The following JAML variants were observed in gnomAD, a reference collection of about 807,000 sequenced individuals.
JAML encodes junction adhesion molecule like.
A neutral mutation model predicts 39.3 loss-of-function variants in JAML; 25 were observed. The ratio of observed to expected loss-of-function variants is 0.64; its 90% confidence interval spans 0.46 to 0.89. JAML has a LOEUF of 0.89. Ranked by LOEUF, JAML falls within the 40% of genes least tolerant of loss-of-function variation. JAML has a pLI of 0.00. For synonymous variants in JAML, 162 were observed against 179.2 expected, an observed-to-expected ratio of 0.90 and a Z score of 0.77; for missense variants, 440 against 486.9, an observed-to-expected ratio of 0.90 and a Z score of 0.91.
intron 2 of JAML, chr11:118,213,040 T>A: frequency 6.2e-7 from 1 of 1,602,690 alleles, no homozygotes; most frequent in South Asian, 1.1e-5. Flanking sequence ...ATTTGCTGGC[T>A]GATTCTGGCT....
Position 118,212,486 on chromosome 11 carries a change from A to T in JAML, c.119T>A (p.Met40Lys). The change falls in exon 3 of 10, where the codon ATG becomes AAG. Residue 40 changes from methionine to lysine, a missense_variant. Transcript: ENST00000356289. Reference protein sequence around the residue: ...LTVHVGDSALMGCVFQSTEDK... With the variant: ...LTVHVGDSALKGCVFQSTEDK... ...TTCTGTGCTCTGGAAAACACATCCC[A>T]TCAGAGCTGAATCACCCACATGGAC... 6.2e-7 allele frequency: 1 copy of T among 1,614,172 alleles called. No homozygotes were observed. The highest frequency in any genetic ancestry group is 8.5e-7 in the Non-Finnish European group (1 of 1,180,010).
At chr11:118,204,394 C>T (rs1046710331) in intron 5 of JAML, 1 of 152,590 alleles carries the variant, frequency 6.6e-6, no homozygotes, top group African/African-American at 2.4e-5. Context: ...TCATGGCCCC[C>T]ACTCCCATTT....
In JAML at chr11:118,194,172, G is replaced by C. The variant is rs1466218240; in HGVS notation, c.*153C>G. ...CAGAGCTGTCCAGTCTCTCTGCCAG[G>C]CTCCAAATTCTCCATCTTCAGTGTA... is the stretch of plus-strand genomic sequence containing the variant. On this transcript the variant is annotated 3_prime_UTR_variant, in exon 10 of 10. Transcript: ENST00000356289. 5.9e-6 allele frequency: 4 copies of C among 675,692 alleles called. No individual in the cohort carries two copies. The highest frequency in any genetic ancestry group is 7.9e-6 in the Non-Finnish European group (3 of 380,582). 41.9% of individuals were successfully genotyped at this position (675,692 alleles called of 1,614,324 possible).
At position 118,222,631 on chromosome 11, in the gene JAML, A is replaced by G. The variant is rs1420083463; in HGVS notation, c.-21+2310T>C. Among the ~76,000 whole-genome samples the G allele has an allele frequency of 1.3e-5, 2 of 152,208 alleles. No individual in the cohort carries two copies. The highest frequency in any genetic ancestry group is 2.9e-5 in the Non-Finnish European group (2 of 68,046). ...AATCTCTTTTAGGTCACGTGACTCT[A>G]ATGATTTTTAAACATAAAGACAGTG... On this transcript the variant is annotated intron_variant, in intron 1 of 9. Coordinates refer to ENST00000356289, the MANE Select transcript of JAML (RefSeq NM_001098526.2). This position sits in a 1 kb window ranked among gnomAD's most constrained non-coding sequence, Gnocchi z 4.2.
chr11:118,194,195 G>A lies in JAML; in HGVS notation c.*130C>T. The A allele has an allele frequency of 1.3e-6, 1 of 793,654 alleles. No individual in the cohort carries two copies. Among genetic ancestry groups the A allele is most frequent in the Non-Finnish European group, 2.1e-6 (1 of 468,146 alleles). 49.2% of individuals were successfully genotyped at this position (793,654 alleles called of 1,614,324 possible). A position where few individuals can be genotyped will look rare whatever the true frequency, so the allele number is the denominator to read the frequency against. ...AGGCTCCAAATTCTCCATCTTCAGT[G>A]TATTGACCAAACAATGAGACAGGAG... is the stretch of plus-strand genomic sequence containing the variant. On this transcript the variant is annotated 3_prime_UTR_variant, in exon 10 of 10. Coordinates refer to ENST00000356289, the MANE Select transcript of JAML (RefSeq NM_001098526.2).
chr11:118,198,020 T>C lies in JAML; in HGVS notation c.983A>G (p.His328Arg). Residue 328 changes from histidine to arginine, a missense_variant, in exon 8 of 10, where the codon CAT becomes CGT. Physicochemically the swap from His to Arg is conservative, Grantham distance 29 (BLOSUM62 0). Transcript: ENST00000356289. The part of the protein sequence containing the change: ...TNPEIKEKPC[H>R]FERCEGEKHI... ...CACCTCCCCTTCACATCTTTCAAAA[T>C]GGCAGGGTTTTTCTTTTATCTCTGG... is the stretch of plus-strand genomic sequence containing the variant. 3 of 1,614,156 alleles carry C rather than the reference T, an allele frequency of 1.9e-6. No individual in the cohort carries two copies. The highest frequency in any genetic ancestry group is 2.2e-5 in the East Asian group (1 of 44,888).
chr11:118,199,832 G>C (rs1478919058), intron 7 of JAML, among the ~76,000 whole-genome samples: 2 of 151,668 alleles, frequency 1.3e-5, no homozygotes, highest in Non-Finnish European at 2.9e-5. Flanking sequence ...AAGTAGCTGG[G>C]AGTACAAGCA....
intron 4 of JAML, 54 bp from the exon 5 acceptor site, chr11:118,206,045 A>G: frequency 6.7e-7 from 1 of 1,483,572 alleles, no homozygotes; most frequent in Non-Finnish European, 9.4e-7. Flanking sequence ...TATAGAAGTC[A>G]AAGAATTTCT....
Position 118,205,948 on chromosome 11 carries a change from A to G in JAML, c.468T>C (p.Val156=). The change falls in exon 5 of 10, where the codon GTT becomes GTC. Residue 156 remains valine (V), a synonymous_variant. Transcript: ENST00000356289. Reference sequence around the variant, plus strand: ...CGTGTTTCACTTCTGTGCTCTGGAAAACACATCCCATCTGAATCAATCCAC... The same window carrying G: ...CGTGTTTCACTTCTGTGCTCTGGAAGACACATCCCATCTGAATCAATCCAC... The part of the protein sequence containing the change: ...HVGGLIQMGC[V]FQSTEVKHVT... 1 of 1,614,156 alleles carries G rather than the reference A, an allele frequency of 6.2e-7. No homozygotes were observed. The highest frequency in any genetic ancestry group is 2.2e-5 in the East Asian group (1 of 44,884).
At chr11:118,199,695 T>A (rs1409947928) in intron 7 of JAML, among the ~76,000 whole-genome samples, 91 of 34,892 alleles carry the variant, frequency 2.6e-3, no homozygotes, top group African/African-American at 5.4e-3. Context: ...TTATTATTAT[T>A]TTTTTTTTTT....
intron 7 of JAML, among the ~76,000 whole-genome samples, chr11:118,200,133 T>C (rs141064997): frequency 2.0e-5 from 3 of 152,294 alleles, no homozygotes; most frequent in East Asian, 1.9e-4. Flanking sequence ...GAACGTACAG[T>C]ATGGATAATT....
rs184388797 is a variant in JAML at position 118,200,713 on chromosome 11, G to A, written c.773-101C>T. ...AGTAGCACCAGCCAGGCCACGAAGC[G>A]GAGGGGAAGGCCAGACTCCACCCCA... On this transcript the variant is annotated intron_variant, in intron 6 of 9. Coordinates refer to ENST00000356289, the MANE Select transcript of JAML (RefSeq NM_001098526.2). 8.0e-5 allele frequency: 111 copies of A among 1,390,088 alleles called. 1 individual carries two copies. The East Asian group carries it at 2.0e-3, about 25-fold the overall frequency. 86.1% of individuals were successfully genotyped at this position (1,390,088 alleles called of 1,614,324 possible). A position where few individuals can be genotyped will look rare whatever the true frequency, so the allele number is the denominator to read the frequency against.
intron 4 of JAML, among the ~76,000 whole-genome samples, chr11:118,207,047 C>G (rs1050256372): frequency 2.0e-5 from 3 of 152,130 alleles, no homozygotes; most frequent in African/African-American, 7.2e-5. Context: ...TCCTGCCCAG[C>G]AGGAGAAATG....
chr11:118,216,823 A>G (rs1470739963), intron 1 of JAML, among the ~76,000 whole-genome samples: 1 of 152,164 alleles, frequency 6.6e-6, no homozygotes, highest in Non-Finnish European at 1.5e-5. Flanking sequence ...ATTCCCCTAA[A>G]CAAAAGAACC....
chr11:118,215,746 T>A (rs17121901), intron 1 of JAML, among the ~76,000 whole-genome samples: 7,416 of 152,160 alleles, frequency 0.049, 622 homozygotes, highest in African/African-American at 0.17. Context: ...AAAGTATGTG[T>A]TTGATATGCA....
At chr11:118,217,748 G>A (rs1949161817) in intron 1 of JAML, among the ~76,000 whole-genome samples, 1 of 152,172 alleles carries the variant, frequency 6.6e-6, no homozygotes. Flanking sequence ...TTACAGATGA[G>A]GAAATGAGGC....
chr11:118,195,603 A>G (rs1347988144), intron 9 of JAML, among the ~76,000 whole-genome samples: 3 of 152,184 alleles, frequency 2.0e-5, no homozygotes, highest in East Asian at 3.9e-4. Context: ...GGGGCTACAG[A>G]AGTCTAAGCA....
rs780251833 is a variant in JAML, at chr11:118,194,367, T to C, written c.1143A>G (p.Lys381=). 1 of 1,614,142 alleles carries C rather than the reference T, an allele frequency of 6.2e-7. No individual in the cohort carries two copies. The highest frequency in any genetic ancestry group is 8.5e-7 in the Non-Finnish European group (1 of 1,180,018). ...TTTTTGGCATTCCCCCACCTGACTTTTTTTCAAGTGAGTTGTTCCGATCTG... is the reference window on the plus strand; with the variant it reads ...TTTTTGGCATTCCCCCACCTGACTTCTTTTCAAGTGAGTTGTTCCGATCTG... ...LRSDRNNSLE[K]KSGGGMPKTQ... Residue 381 remains lysine (K), a synonymous_variant, in exon 10 of 10, where the codon AAA becomes AAG. Transcript: ENST00000356289.
chr11:118,215,420 G>A (rs764565105), intron 1 of JAML, among the ~76,000 whole-genome samples: 5 of 152,166 alleles, frequency 3.3e-5, no homozygotes, highest in Admixed American at 6.5e-5. Context: ...TGCCCAGGCT[G>A]GGGTGCAGTG....
Sources: allele counts gnomAD v4.1 joint callset (sites outside exome capture counted in the v4.1 genomes callset), GRCh38; gene constraint gnomAD v4.1.1; non-coding constraint Gnocchi (gnomAD v3.1); transcripts MANE v1.5; gene names NCBI Gene and HGNC (gene_info 2026-07-23, HGNC 2026-07-21).